Variants in ACTL8 observed in about 807,000 individuals in gnomAD.
ACTL8 encodes actin-like protein 8.
Under a neutral mutation model 9.3 loss-of-function variants are expected in ACTL8, and 3 were observed. That is an observed-to-expected ratio of 0.32 (90% CI 0.15 to 0.83). The LOEUF (loss-of-function observed/expected upper bound fraction) is 0.83. ACTL8 is among the 40% of genes least tolerant of loss of function. The pLI, the probability that ACTL8 is intolerant of heterozygous loss-of-function variation, is 0.57. For synonymous variants in ACTL8, 224 were observed against 205.9 expected, an observed-to-expected ratio of 1.09 and a Z score of -0.75; for missense variants, 381 against 492.2, an observed-to-expected ratio of 0.77 and a Z score of 2.14.
chr1:17,768,981 T>C (rs1043375866), intron 1 of ACTL8, among the ~76,000 whole-genome samples: 2 of 152,198 alleles, frequency 1.3e-5, no homozygotes, highest in African/African-American at 2.4e-5. Flanking sequence ...TTGTAGCCTG[T>C]TTAACCTACT....
At chr1:17,764,424 G>T (rs1241453031) in intron 1 of ACTL8, among the ~76,000 whole-genome samples, 1 of 152,138 alleles carries the variant, frequency 6.6e-6, no homozygotes, top group African/African-American at 2.4e-5. Flanking sequence ...GAAAACTGGG[G>T]GTTCACTTCT....
chr1:17,782,222 G>T (rs987420265), intron 1 of ACTL8, among the ~76,000 whole-genome samples: 1 of 151,758 alleles, frequency 6.6e-6, no homozygotes, highest in Non-Finnish European at 1.5e-5. Context: ...TTGAGGACAG[G>T]GGGAGGGAAC....
At chr1:17,763,361 G>GT (rs2066021316) in intron 1 of ACTL8, among the ~76,000 whole-genome samples, 1 of 151,710 alleles carries the variant, frequency 6.6e-6, no homozygotes, top group East Asian at 1.9e-4. Flanking sequence ...GGGGTAGCGT[G>GT]GGGGTGCTTT....
chr1:17,781,736 C>T (rs528810505), intron 1 of ACTL8, among the ~76,000 whole-genome samples: 1 of 151,782 alleles, frequency 6.6e-6, no homozygotes, highest in South Asian at 2.1e-4. Context: ...GGGTGGGCTT[C>T]GGGAGGGCTG....
chr1:17,785,586 C>T (rs2066191709), intron 1 of ACTL8, among the ~76,000 whole-genome samples: 1 of 152,214 alleles, frequency 6.6e-6, no homozygotes, highest in Non-Finnish European at 1.5e-5. Context: ...GATTTCAACC[C>T]TCTCATCCCA....
At chr1:17,776,909 C>T (rs1202422159) in intron 1 of ACTL8, among the ~76,000 whole-genome samples, 2 of 151,450 alleles carry the variant, frequency 1.3e-5, no homozygotes, top group Admixed American at 6.6e-5. Flanking sequence ...AAGCAATCCT[C>T]CCACCTCTGC....
Position 17,823,772 on chromosome 1 carries a change from GCC to G in ACTL8, c.348+419_348+420del, listed in dbSNP as rs1426883897. Among the ~76,000 whole-genome samples the G allele has an allele frequency of 6.6e-6, 1 of 152,040 alleles. No individual in the cohort carries two copies. The highest frequency in any genetic ancestry group is 1.9e-4 in the East Asian group (1 of 5,174). ...AAAACCCAACAGAAACCAACAAATT[GCC>G]CCACAAACATTTCCCAAGAACCTAG... is the stretch of plus-strand genomic sequence containing the variant. On this transcript the variant is annotated intron_variant, in intron 2 of 2. Transcript: ENST00000375406. The surrounding 1 kb of genome is among the most constrained non-coding windows in gnomAD (Gnocchi z 5.3).
chr1:17,763,100 T>C (rs914490995), intron 1 of ACTL8, among the ~76,000 whole-genome samples: 36 of 152,152 alleles, frequency 2.4e-4, no homozygotes, highest in Non-Finnish European at 1.3e-4. Context: ...AATTTTCATT[T>C]CATCCTGCAA....
At chr1:17,772,713 G>A (rs2066092627) in intron 1 of ACTL8, among the ~76,000 whole-genome samples, 1 of 152,196 alleles carries the variant, frequency 6.6e-6, no homozygotes, top group Non-Finnish European at 1.5e-5. Context: ...TGCATCCCTA[G>A]CTCCCAGCTC....
At chr1:17,818,360 G>A (rs983785560) in intron 1 of ACTL8, among the ~76,000 whole-genome samples, 11 of 152,146 alleles carry the variant, frequency 7.2e-5, no homozygotes, top group African/African-American at 2.7e-4. Flanking sequence ...TCTTTCTTCT[G>A]CTCTCTGCAG....
At chr1:17,789,012 C>G (rs983157369) in intron 1 of ACTL8, among the ~76,000 whole-genome samples, 2 of 152,198 alleles carry the variant, frequency 1.3e-5, no homozygotes, top group Admixed American at 1.3e-4. Flanking sequence ...GTGCAGGAGA[C>G]AGAATTAGAA....
intron 1 of ACTL8, among the ~76,000 whole-genome samples, chr1:17,774,840 T>G (rs903537636): frequency 6.6e-6 from 1 of 152,120 alleles, no homozygotes; most frequent in Non-Finnish European, 1.5e-5. Flanking sequence ...CTTTTGAAGG[T>G]TTGACTCTAG....
intron 1 of ACTL8, among the ~76,000 whole-genome samples, chr1:17,786,207 C>G (rs1324424687): frequency 1.3e-5 from 2 of 152,156 alleles, no homozygotes; most frequent in Admixed American, 1.3e-4. Context: ...CTAACAGGAA[C>G]AGGAAATAGA....
At chr1:17,775,549 G>GA (rs1307675218) in intron 1 of ACTL8, among the ~76,000 whole-genome samples, 1 of 152,200 alleles carries the variant, frequency 6.6e-6, no homozygotes, top group East Asian at 1.9e-4. Context: ...ACATCACAAG[G>GA]AAACCATCAC....
intron 1 of ACTL8, among the ~76,000 whole-genome samples, chr1:17,788,787 A>G (rs191602065): frequency 6.6e-6 from 1 of 152,288 alleles, no homozygotes; most frequent in East Asian, 1.9e-4. Flanking sequence ...CCAGAAAGGA[A>G]CCCAGAGTGG....
intron 1 of ACTL8, among the ~76,000 whole-genome samples, chr1:17,782,166 C>T (rs1166705704): frequency 6.6e-5 from 10 of 152,094 alleles, no homozygotes; most frequent in Admixed American, 6.5e-4. Context: ...CCTCTGGAGA[C>T]CCTGATTCAG....
Position 17,826,052 on chromosome 1 carries a change from T to C in ACTL8, c.634T>C (p.Cys212Arg). 1.9e-6 allele frequency: 3 copies of C among 1,606,770 alleles called. No individual in the cohort carries two copies. The South Asian group carries it at 3.3e-5, about 18-fold the overall frequency. The change falls in exon 3 of 3, where the codon TGC becomes CGC. Residue 212 changes from cysteine to arginine, a missense_variant. Around this residue, in one of 3 missense-constraint regions of ACTL8, gnomAD observed 243 missense variants for 276.2 expected, o/e 0.88. Coordinates refer to ENST00000375406, the MANE Select transcript of ACTL8 (RefSeq NM_030812.3). This position sits in a 1 kb window ranked among gnomAD's most constrained non-coding sequence, Gnocchi z 4.5. Reference protein sequence around the residue: ...ETVAVTQMNKCYVPQNLGEAL... With the variant: ...ETVAVTQMNKRYVPQNLGEAL... ...AGTCGCCGTGACTCAGATGAACAAG[T>C]GCTACGTGCCGCAGAATCTGGGGGA... is the stretch of plus-strand genomic sequence containing the variant.
chr1:17,803,778 CAG>C (rs1176793798), intron 1 of ACTL8, among the ~76,000 whole-genome samples: 8 of 152,150 alleles, frequency 5.3e-5, no homozygotes, highest in South Asian at 2.1e-4. Flanking sequence ...TAAAGGCAGA[CAG>C]AGTGAGCGAG....
intron 1 of ACTL8, among the ~76,000 whole-genome samples, chr1:17,763,192 C>T (rs72927118): frequency 0.018 from 2,810 of 152,214 alleles, 94 homozygotes; most frequent in African/African-American, 0.063. Context: ...TGGCTTCTAT[C>T]GTGCTGAGGG....
Sources: gnomAD v4.1 joint callset for allele counts (sites outside exome capture counted in the v4.1 genomes callset) on GRCh38, gnomAD v4.1.1 for gene constraint, gnomAD v4.1.1 regional missense constraint, Gnocchi (gnomAD v3.1) non-coding constraint, MANE v1.5 for transcripts, NCBI Gene and HGNC (gene_info 2026-07-23, HGNC 2026-07-21) for gene names.